DPY19L2: variants seen among roughly 807,000 people sequenced by gnomAD.
DPY19L2 encodes the protein dpy-19 like 2.
Under a neutral mutation model 97.9 loss-of-function variants are expected in DPY19L2, and 34 were observed. That is an observed-to-expected ratio of 0.35 (90% confidence interval 0.26 to 0.46). DPY19L2 has a LOEUF of 0.46. Among genes scored for constraint, DPY19L2 ranks in the 20% least tolerant of loss-of-function variants. DPY19L2 has a pLI of 1.00. For synonymous variants in DPY19L2, 230 were observed against 307.9 expected, an observed-to-expected ratio of 0.75 and a Z score of 2.65; for missense variants, 623 against 911.4, an observed-to-expected ratio of 0.68 and a Z score of 4.07.
chr12:63,662,961 C>A (rs1344911249), intron 3 of DPY19L2, among the ~76,000 whole-genome samples: 1 of 152,082 alleles, frequency 6.6e-6, no homozygotes, highest in Non-Finnish European at 1.5e-5. Context: ...TTTGGGATAG[C>A]AAAAAGTTCT....
At chr12:63,612,285 G>C (rs3884370) in intron 11 of DPY19L2, among the ~76,000 whole-genome samples, 1 of 151,864 alleles carries the variant, frequency 6.6e-6, no homozygotes, top group South Asian at 2.1e-4. Context: ...GAATACAGTA[G>C]GTCAATCTGG....
chr12:63,562,356 T>C (rs2137238299), intron 21 of DPY19L2, among the ~76,000 whole-genome samples: 1 of 152,332 alleles, frequency 6.6e-6, no homozygotes, highest in Middle Eastern at 3.4e-3. Context: ...CAATAGTTTA[T>C]TCATTTTTAT....
intron 12 of DPY19L2, 41 bp downstream of exon 12, chr12:63,608,575 G>A: frequency 2.0e-6 from 3 of 1,493,268 alleles, no homozygotes; most frequent in Non-Finnish European, 2.8e-6. Flanking sequence ...GAAATAAAAA[G>A]TAGAATTTAA....
intron 4 of DPY19L2, among the ~76,000 whole-genome samples, chr12:63,650,478 C>T (rs142670045): frequency 0.05 from 7,645 of 152,060 alleles, 324 homozygotes; most frequent in East Asian, 0.13. Context: ...GCAAACTTTC[C>T]GGATGTAAAA....
chr12:63,568,768 G>A lies in DPY19L2; in HGVS notation c.2126+456C>T, dbSNP rs186556416. 2.0e-3 allele frequency among the ~76,000 whole-genome samples: 311 copies of A among 152,076 alleles called. 1 individual carries two copies. Among genetic ancestry groups the A allele is most frequent in the African/African-American group, 7.3e-3 (302 of 41,522 alleles). On this transcript the variant is annotated intron_variant, in intron 21 of 21. Transcript: ENST00000324472. ...ACACCTTAGAATTTTATGATTTTTA[G>A]AGATTCGAAATTCAGAAATTAAAAA...
chr12:63,620,315 A>G (rs1439228129), intron 9 of DPY19L2: 1 of 198,394 alleles, frequency 5.0e-6, no homozygotes, highest in Non-Finnish European at 1.0e-5. Flanking sequence ...AAATTCTGCT[A>G]TACAGACAAA....
chr12:63,595,355 C>T (rs1392800460), intron 15 of DPY19L2, among the ~76,000 whole-genome samples: 1 of 152,068 alleles, frequency 6.6e-6, no homozygotes. Flanking sequence ...TTTAACCATG[C>T]TTTTAGATAA....
intron 21 of DPY19L2, among the ~76,000 whole-genome samples, chr12:63,566,519 G>A (rs1877743929): frequency 6.6e-6 from 1 of 150,532 alleles, no homozygotes; most frequent in East Asian, 2.0e-4. Flanking sequence ...GTCATTTGAA[G>A]ACAGTTATAC....
intron 2 of DPY19L2, among the ~76,000 whole-genome samples, chr12:63,664,051 C>A (rs116164703): frequency 0.011 from 1,703 of 152,008 alleles, 12 homozygotes; most frequent in African/African-American, 0.039. Context: ...TTAAGCTTAA[C>A]TGTGGCCAGG....
chr12:63,635,507 C>T (rs557517770), intron 6 of DPY19L2, among the ~76,000 whole-genome samples: 9 of 152,112 alleles, frequency 5.9e-5, no homozygotes, highest in Admixed American at 3.9e-4. Context: ...GGAGGGTGTT[C>T]GAACCCATCG....
At chr12:63,633,614 T>C (rs894828404) in intron 6 of DPY19L2, among the ~76,000 whole-genome samples, 3 of 152,144 alleles carry the variant, frequency 2.0e-5, no homozygotes, top group Admixed American at 6.5e-5. Context: ...ACACTGTTGG[T>C]GGGACTGTAA....
chr12:63,622,018 A>C (rs7314862), intron 8 of DPY19L2, among the ~76,000 whole-genome samples: 45,146 of 151,922 alleles, frequency 0.3, 7,684 homozygotes, highest in African/African-American at 0.48. Context: ...TCTGTATTGG[A>C]TTTTGATGAA....
chr12:63,656,478 C>A (rs1367623584), intron 4 of DPY19L2, among the ~76,000 whole-genome samples: 1 of 152,032 alleles, frequency 6.6e-6, no homozygotes, highest in Non-Finnish European at 1.5e-5. Flanking sequence ...TTACATTTAC[C>A]CCTAGGTTTG....
Position 63,661,420 on chromosome 12 carries a change from C to T in DPY19L2, c.512G>A (p.Trp171Ter), listed in dbSNP as rs1207188290. 3 of 1,602,750 alleles carry T rather than the reference C, an allele frequency of 1.9e-6. No homozygotes were observed. Among genetic ancestry groups the T allele is most frequent in the Non-Finnish European group, 2.5e-6 (3 of 1,176,614 alleles). The change falls in exon 4 of 22, where the codon TGG (tryptophan) becomes TAG (stop). Residue 171 changes from tryptophan to a stop codon, truncating the protein, a stop_gained. Transcript: ENST00000324472. LOFTEE classifies it high-confidence loss of function. ...IEAPSFLEGL[W>*]MIMNDRLTEY... Reference sequence around the variant, plus strand: ...AGTAAGCCTGTCATTCATAATCATCCACAGTCCTTCCAAAAACGAAGGTGC... The same window carrying T: ...AGTAAGCCTGTCATTCATAATCATCTACAGTCCTTCCAAAAACGAAGGTGC...
intron 14 of DPY19L2, among the ~76,000 whole-genome samples, chr12:63,596,633 T>C (rs1270345443): frequency 2.0e-5 from 3 of 152,200 alleles, no homozygotes; most frequent in Non-Finnish European, 4.4e-5. Flanking sequence ...TGGTCAATAA[T>C]AGTTTTTGAA....
At chr12:63,663,642 T>C in intron 3 of DPY19L2, 116 bp downstream of exon 3, 1 of 840,296 alleles carries the variant, frequency 1.2e-6, no homozygotes, top group Non-Finnish European at 1.9e-6. Context: ...ACCTGGGTTA[T>C]AGCTTATGAA....
intron 12 of DPY19L2, among the ~76,000 whole-genome samples, chr12:63,603,931 C>A (rs1885607326): frequency 6.6e-6 from 1 of 152,160 alleles, no homozygotes; most frequent in South Asian, 2.1e-4. Context: ...GGTACAAAAA[C>A]AGGCACATAG....
intron 16 of DPY19L2, among the ~76,000 whole-genome samples, chr12:63,588,664 C>T (rs558489843): frequency 6.6e-6 from 1 of 151,556 alleles, no homozygotes; most frequent in East Asian, 1.9e-4. Flanking sequence ...AGTTACAATT[C>T]ACACATTATA....
chr12:63,574,639 T>C (rs920770523), intron 19 of DPY19L2, among the ~76,000 whole-genome samples: 1 of 151,530 alleles, frequency 6.6e-6, no homozygotes, highest in Non-Finnish European at 1.5e-5. Context: ...ATGGAAACCA[T>C]AAAAGAGCAG....
Sources: gnomAD v4.1 joint callset for allele counts (sites outside exome capture counted in the v4.1 genomes callset) on GRCh38, gnomAD v4.1.1 for gene constraint, MANE v1.5 for transcripts, NCBI Gene and HGNC (gene_info 2026-07-23, HGNC 2026-07-21) for gene names.